The following GRM3 variants were observed in gnomAD, a reference collection of about 807,000 sequenced individuals.
The protein encoded by GRM3 is metabotropic glutamate receptor 3.
GRM3 carries 26 observed loss-of-function variants against 70.5 expected under a neutral mutation model. The ratio of observed to expected loss-of-function variants is 0.37; its 90% CI spans 0.27 to 0.51. The LOEUF (loss-of-function observed/expected upper bound fraction) is 0.51. GRM3 is among the 20% of genes least tolerant of loss of function. The pLI, the probability that GRM3 is intolerant of heterozygous loss-of-function variation, is 0.93. For missense variants in GRM3, 859 were observed against 1,123.8 expected (o/e 0.76, Z 3.37); for synonymous variants, 443 against 434.9 (o/e 1.02, Z -0.23).
chr7:86,653,719 G>C (rs1392915823), intron 1 of GRM3, among the ~76,000 whole-genome samples: 3 of 151,774 alleles, frequency 2.0e-5, no homozygotes, highest in African/African-American at 7.2e-5. Context: ...AGAAAGAGAA[G>C]TTACTGGTAT....
At chr7:86,846,343 T>G (rs1798654625) in intron 4 of GRM3, among the ~76,000 whole-genome samples, 1 of 152,182 alleles carries the variant, frequency 6.6e-6, no homozygotes, top group South Asian at 2.1e-4. Context: ...CATTCTTCCT[T>G]AACAAGCGTA....
At chr7:86,669,258 G>T (rs1385169092) in intron 1 of GRM3, among the ~76,000 whole-genome samples, 2 of 152,146 alleles carry the variant, frequency 1.3e-5, no homozygotes, top group Admixed American at 6.6e-5. Context: ...TAGGGCTGGG[G>T]CCCAGTCATC....
chr7:86,702,071 C>T (rs557149593), intron 1 of GRM3, among the ~76,000 whole-genome samples: 2 of 151,926 alleles, frequency 1.3e-5, no homozygotes, highest in East Asian at 1.9e-4. Flanking sequence ...TTATTTATTT[C>T]GTTGTACACA....
intron 2 of GRM3, among the ~76,000 whole-genome samples, chr7:86,779,847 T>C (rs1796998590): frequency 6.6e-6 from 1 of 152,202 alleles, no homozygotes; most frequent in Non-Finnish European, 1.5e-5. Context: ...GAAAAAAATA[T>C]ATTGGGAAAA....
At chr7:86,808,745 G>A (rs1797849552) in intron 3 of GRM3, among the ~76,000 whole-genome samples, 1 of 152,046 alleles carries the variant, frequency 6.6e-6, no homozygotes, top group African/African-American at 2.4e-5. Flanking sequence ...AGAGGTGAGG[G>A]AGCAACCCAT....
At chr7:86,834,084 C>A (rs1296460037) in intron 3 of GRM3, among the ~76,000 whole-genome samples, 2 of 152,128 alleles carry the variant, frequency 1.3e-5, no homozygotes, top group African/African-American at 2.4e-5. Context: ...CTCTGCCTGA[C>A]CTTGCTTAAT....
rs1186012109 is a variant in GRM3 at position 86,780,670 on chromosome 7, A to G, written c.469-5591A>G. Among the ~76,000 whole-genome samples the G allele has an allele frequency of 2.0e-5, 3 of 152,194 alleles. No individual in the cohort carries two copies. In the South Asian group the frequency reaches 6.2e-4, roughly 32 times the overall value. ...CCATTGTGTTTCTCACATAAATCAG[A>G]AAGCCAAATCTGACTCTGATATTTA... On this transcript the variant is annotated intron_variant, in intron 2 of 5. Coordinates refer to ENST00000361669, the MANE Select transcript of GRM3 (RefSeq NM_000840.3).
chr7:86,702,158 C>T (rs547067252), intron 1 of GRM3, among the ~76,000 whole-genome samples: 49 of 151,942 alleles, frequency 3.2e-4, no homozygotes, highest in Admixed American at 1.5e-3. Context: ...ACAGAAGATA[C>T]TAAGCTTACC....
At chr7:86,850,605 C>A (rs2115565170) in intron 5 of GRM3, 61 bp downstream of exon 5, 1 of 1,113,684 alleles carries the variant, frequency 9.0e-7, no homozygotes, top group Non-Finnish European at 1.4e-6. Context: ...GACCAGCCTG[C>A]CAAGAACAGG....
chr7:86,738,078 A>G (rs1445309307), intron 1 of GRM3, among the ~76,000 whole-genome samples: 1 of 152,186 alleles, frequency 6.6e-6, no homozygotes, highest in Admixed American at 6.5e-5. Context: ...CCCTGGTTGA[A>G]TGACAAGGAG....
chr7:86,858,543 C>G (rs1410394908), intron 5 of GRM3, among the ~76,000 whole-genome samples: 1 of 152,282 alleles, frequency 6.6e-6, no homozygotes, highest in East Asian at 1.9e-4. Flanking sequence ...TGTCATGATA[C>G]AGCAGGAAGG....
intron 2 of GRM3, among the ~76,000 whole-genome samples, chr7:86,784,949 C>T (rs1378987092): frequency 6.6e-6 from 1 of 152,152 alleles, no homozygotes; most frequent in Non-Finnish European, 1.5e-5. Flanking sequence ...ATGAACTTGG[C>T]TGTTGGTTTC....
intron 1 of GRM3, among the ~76,000 whole-genome samples, chr7:86,686,753 A>G (rs923752541): frequency 2.0e-5 from 3 of 152,158 alleles, no homozygotes; most frequent in African/African-American, 7.2e-5. Flanking sequence ...AAGGCTTGCT[A>G]AAAACAAGCT....
At chr7:86,841,499 ATCTTTTG>A (rs1392214642) in intron 4 of GRM3, among the ~76,000 whole-genome samples, 5 of 152,138 alleles carry the variant, frequency 3.3e-5, no homozygotes, top group Admixed American at 2.6e-4. Context: ...CCCCATCTCT[ATCTTTTG>A]TCTTTATATA....
intron 1 of GRM3, among the ~76,000 whole-genome samples, chr7:86,684,171 G>A (rs1584163065): frequency 6.6e-6 from 1 of 151,936 alleles, no homozygotes; most frequent in Non-Finnish European, 1.5e-5. Flanking sequence ...CAACATTATA[G>A]CCTTGCTCTT....
chr7:86,682,506 T>A (rs1794465037), intron 1 of GRM3, among the ~76,000 whole-genome samples: 1 of 152,174 alleles, frequency 6.6e-6, no homozygotes, highest in Non-Finnish European at 1.5e-5. Context: ...TTATCATTGG[T>A]TTTACATTAT....
chr7:86,777,789 T>TG lies in GRM3; in HGVS notation c.469-8471dup, dbSNP rs1796933023. ...ACAGCTTGAATTTCTCAGGCAGTTT[T>TG]GTCAACTATATACCACCTCCAGTTC... On this transcript the variant is annotated intron_variant, in intron 2 of 5. Coordinates refer to ENST00000361669, the MANE Select transcript of GRM3 (RefSeq NM_000840.3). Among the ~76,000 whole-genome samples, 3 of 152,204 alleles carry TG rather than the reference T, an allele frequency of 2.0e-5. No homozygotes were observed. The South Asian group carries it at 6.2e-4, about 32-fold the overall frequency.
chr7:86,673,593 T>G (rs1794227457), intron 1 of GRM3, among the ~76,000 whole-genome samples: 1 of 152,130 alleles, frequency 6.6e-6, no homozygotes, highest in South Asian at 2.1e-4. Flanking sequence ...TCTATATTCT[T>G]TCCCTAAATG....
chr7:86,834,980 G>C (rs1333223500), intron 3 of GRM3, among the ~76,000 whole-genome samples: 10 of 151,988 alleles, frequency 6.6e-5, no homozygotes, highest in Admixed American at 5.9e-4. Context: ...TAAGAATTCT[G>C]ATATTGATTA....
Sources: allele counts gnomAD v4.1 joint callset (sites outside exome capture counted in the v4.1 genomes callset), GRCh38; gene constraint gnomAD v4.1.1; transcripts MANE v1.5; gene names NCBI Gene and HGNC (gene_info 2026-07-23, HGNC 2026-07-21).